DPH6: variants seen among roughly 807,000 people sequenced by gnomAD.
DPH6 encodes the protein diphthamine biosynthesis 6.
In DPH6, 33 loss-of-function variants were observed where a neutral mutation model predicts 38.2. The observed-to-expected ratio is 0.86, with a 90% CI of 0.65 to 1.15. DPH6 has a LOEUF of 1.15. DPH6 is among the 50% of genes most tolerant of loss of function. The pLI is 0.00. For missense variants in DPH6, 325 were observed against 320.0 expected (o/e 1.02, Z -0.12); for synonymous variants, 108 against 103.0 (o/e 1.05, Z -0.30).
chr15:35,458,163 A>T (rs932394532), intron 3 of DPH6, among the ~76,000 whole-genome samples: 1 of 152,052 alleles, frequency 6.6e-6, no homozygotes, highest in African/African-American at 2.4e-5. Flanking sequence ...GTTCTTCCTC[A>T]TAATATTTTT....
downstream of DPH6, among the ~76,000 whole-genome samples, chr15:35,212,527 T>C (rs1221500666): frequency 2.0e-5 from 3 of 152,218 alleles, no homozygotes; most frequent in African/African-American, 7.2e-5. Context: ...TAAAAAAATA[T>C]GATTCCTCTT....
At chr15:35,539,520 A>G (rs1296693573) in intron 2 of DPH6, among the ~76,000 whole-genome samples, 1 of 152,060 alleles carries the variant, frequency 6.6e-6, no homozygotes, top group African/African-American at 2.4e-5. Context: ...TACTCCAATA[A>G]GAGCAGAGAA....
chr15:35,287,032 T>C (rs1204685893), intron 3 of DPH6, among the ~76,000 whole-genome samples: 2 of 152,100 alleles, frequency 1.3e-5, no homozygotes, highest in African/African-American at 4.8e-5. Context: ...AAAAAGTTGT[T>C]AAAATGTGAC....
chr15:35,412,036 C>T (rs1017359053), intron 5 of DPH6, among the ~76,000 whole-genome samples: 2 of 151,578 alleles, frequency 1.3e-5, no homozygotes, highest in South Asian at 4.1e-4. Flanking sequence ...AACCTCTGCT[C>T]TGTGAAAGAT....
intron 2 of DPH6, among the ~76,000 whole-genome samples, chr15:35,541,622 GAAT>G (rs1358578411): frequency 1.3e-5 from 2 of 151,942 alleles, no homozygotes; most frequent in African/African-American, 4.8e-5. Flanking sequence ...GTAAAAGAGA[GAAT>G]AAAAAGATCT....
At chr15:35,234,605 A>G (rs1235128863) in intron 3 of DPH6, among the ~76,000 whole-genome samples, 1 of 152,252 alleles carries the variant, frequency 6.6e-6, no homozygotes, top group Non-Finnish European at 1.5e-5. Context: ...TGACATTTGA[A>G]TAATATTGAC....
At chr15:35,372,481 T>C (rs947298757) in intron 8 of DPH6, 3 of 241,210 alleles carry the variant, frequency 1.2e-5, no homozygotes, top group South Asian at 1.7e-4. Context: ...TGTGCGTACA[T>C]GGTAGCAAAA....
At chr15:35,478,621 A>T (rs1317464064) in intron 3 of DPH6, among the ~76,000 whole-genome samples, 3 of 151,988 alleles carry the variant, frequency 2.0e-5, no homozygotes, top group Non-Finnish European at 4.4e-5. Flanking sequence ...GCCTCAGAGG[A>T]ACTCAATGCA....
chr15:35,384,475 T>C (rs2140944291), intron 6 of DPH6, among the ~76,000 whole-genome samples: 1 of 152,228 alleles, frequency 6.6e-6, no homozygotes, highest in South Asian at 2.1e-4. Context: ...TAGATGCTAA[T>C]AGCCTTCAAA....
At chr15:35,318,676 A>C (rs1450182461) in intron 3 of DPH6, among the ~76,000 whole-genome samples, 4 of 152,202 alleles carry the variant, frequency 2.6e-5, no homozygotes, top group African/African-American at 9.6e-5. Flanking sequence ...TCTTTGCTTC[A>C]TAGCCTAAAC....
At chr15:35,530,846 A>AAGCT (rs536055663) in intron 3 of DPH6, among the ~76,000 whole-genome samples, 2 of 152,214 alleles carry the variant, frequency 1.3e-5, no homozygotes, top group Non-Finnish European at 2.9e-5. Flanking sequence ...AGCCTCAATA[A>AAGCT]AGCTGCACCT....
chr15:35,294,546 T>C (rs758191764), intron 3 of DPH6, among the ~76,000 whole-genome samples: 54 of 151,628 alleles, frequency 3.6e-4, no homozygotes, highest in Admixed American at 2.2e-3. Context: ...TTCTCTTTAG[T>C]CTCCTTTGCC....
the DPH6 span, among the ~76,000 whole-genome samples, chr15:35,155,052 G>C: frequency 1.3e-5 from 2 of 152,128 alleles, no homozygotes; most frequent in South Asian, 4.1e-4. Context: ...TTTGAAGGTA[G>C]GACAAATTCA....
At chr15:35,336,511 T>C (rs1238688409) in intron 3 of DPH6, among the ~76,000 whole-genome samples, 2 of 152,120 alleles carry the variant, frequency 1.3e-5, no homozygotes, top group Non-Finnish European at 2.9e-5. Context: ...GCCATGGTTT[T>C]CAGCTGTGTG....
intron 3 of DPH6, among the ~76,000 whole-genome samples, chr15:35,351,479 CCT>C (rs751208783): frequency 1.3e-5 from 2 of 151,852 alleles, no homozygotes; most frequent in Non-Finnish European, 2.9e-5. Flanking sequence ...TTCTCTTGCT[CCT>C]CTCTTCTTCT....
chr15:35,198,812 G>GAC, the DPH6 span, among the ~76,000 whole-genome samples: 1 of 152,142 alleles, frequency 6.6e-6, no homozygotes, highest in Non-Finnish European at 1.5e-5. Context: ...CTTACTATAA[G>GAC]TACAGCCAGG....
intron 5 of DPH6, among the ~76,000 whole-genome samples, chr15:35,436,161 G>A (rs962232117): frequency 2.6e-5 from 4 of 151,956 alleles, no homozygotes; most frequent in African/African-American, 7.3e-5. Flanking sequence ...AGCTCAGTCC[G>A]ACAGCAATTG....
intron 3 of DPH6, chr15:35,521,894 C>G (rs1337441690): frequency 1.4e-6 from 2 of 1,393,392 alleles, no homozygotes; most frequent in Non-Finnish European, 1.9e-6. Context: ...CATTACATTC[C>G]TTGGGATGAA....
intron 3 of DPH6, chr15:35,489,477 G>T (rs1442994492): frequency 1.7e-5 from 17 of 982,318 alleles, no homozygotes; most frequent in Non-Finnish European, 2.1e-5. Context: ...AGGCATATTA[G>T]GCATATAATA....
Sources: gnomAD v4.1 joint callset for allele counts (sites outside exome capture counted in the v4.1 genomes callset) on GRCh38, gnomAD v4.1.1 for gene constraint, MANE v1.5 for transcripts, NCBI Gene and HGNC (gene_info 2026-07-23, HGNC 2026-07-21) for gene names.